The following AK9 variants were observed in gnomAD, a reference collection of about 807,000 sequenced individuals.
AK9 encodes the protein adenylate kinase domain containing 1.
In AK9, 191 loss-of-function variants were observed where a neutral mutation model predicts 239.6. The ratio of observed to expected loss-of-function variants is 0.80; its 90% confidence interval spans 0.71 to 0.90. AK9 has a LOEUF of 0.90. AK9 is among the 40% of genes least tolerant of loss of function. The pLI, the probability that AK9 is intolerant of heterozygous loss-of-function variation, is 0.00. For synonymous variants in AK9, 689 were observed against 721.0 expected (o/e 0.96, Z 0.71); for missense variants, 1,995 against 2,214.7 (o/e 0.90, Z 1.99).
intron 1 of AK9, among the ~76,000 whole-genome samples, chr6:109,684,913 G>T (rs537703208): frequency 6.3e-4 from 48 of 76,148 alleles, no homozygotes; most frequent in Middle Eastern, 8.1e-3. Flanking sequence ...AAAAAAAAAA[G>T]TAGGCAAAGG....
chr6:109,528,781 G>C (rs1393143933), intron 29 of AK9: 1 of 650,160 alleles, frequency 1.5e-6, no homozygotes, highest in African/African-American at 1.8e-5. Flanking sequence ...TGGAAATCAG[G>C]TTACAAGAGG....
At chr6:109,667,148 GA>G (rs68004056) in intron 5 of AK9, among the ~76,000 whole-genome samples, 84,037 of 151,616 alleles carry the variant, frequency 0.55, 24,839 homozygotes, top group South Asian at 0.78. Flanking sequence ...AATAGTGATG[GA>G]AACACCAATT....
chr6:109,617,542 A>G (rs1794321704), intron 13 of AK9, among the ~76,000 whole-genome samples: 1 of 152,148 alleles, frequency 6.6e-6, no homozygotes, highest in African/African-American at 2.4e-5. Flanking sequence ...GGCATTTCAA[A>G]CCTCCAGTAA....
intron 17 of AK9, among the ~76,000 whole-genome samples, chr6:109,603,522 G>GT: frequency 6.6e-6 from 1 of 152,294 alleles, no homozygotes; most frequent in South Asian, 2.1e-4. Context: ...GGGGGTCAGG[G>GT]ACCCACTTGA....
At chr6:109,537,757 C>A (rs2128141795) in intron 27 of AK9, among the ~76,000 whole-genome samples, 1 of 151,946 alleles carries the variant, frequency 6.6e-6, no homozygotes, top group South Asian at 2.1e-4. Flanking sequence ...TATAAATTTC[C>A]CTCTACACAC....
rs201662801 is a variant in AK9, at chr6:109,515,930, G to A, written c.3992C>T (p.Ala1331Val). The change falls in exon 31 of 41, where the codon GCA (alanine) becomes GTA (valine). Residue 1331 changes from alanine (A) to valine (V), a missense_variant. Transcript: ENST00000424296. The part of the protein sequence containing the change: ...SIFEKCHPIP[A>V]PLAQKMLTFT... The stretch of plus-strand genomic sequence containing the variant: ...GGTGAGCATTTTCTGGGCAAGGGGT[G>A]CTGGTATTGGATGACATTTCTCAAA... 239 of 1,551,774 alleles carry A rather than the reference G, an allele frequency of 1.5e-4. No homozygotes were observed. The East Asian group carries it at 1.8e-3, about 12-fold the overall frequency.
intron 1 of AK9, among the ~76,000 whole-genome samples, chr6:109,685,614 A>G (rs1773396027): frequency 6.6e-6 from 1 of 152,150 alleles, no homozygotes; most frequent in Non-Finnish European, 1.5e-5. Flanking sequence ...ACACTAGGAG[A>G]AATACCTAAC....
At chr6:109,639,433 G>A (rs994286794) in intron 10 of AK9, among the ~76,000 whole-genome samples, 1 of 152,142 alleles carries the variant, frequency 6.6e-6, no homozygotes, top group Non-Finnish European at 1.5e-5. Flanking sequence ...TATGTCCGTT[G>A]GCTGCATAAA....
intron 1 of AK9, among the ~76,000 whole-genome samples, chr6:109,681,937 CA>C (rs1392626823): frequency 6.6e-6 from 1 of 152,144 alleles, no homozygotes; most frequent in African/African-American, 2.4e-5. Flanking sequence ...ACATTTAAAG[CA>C]GTGTGTAGAG....
At chr6:109,655,450 T>C (rs981092662) in intron 8 of AK9, among the ~76,000 whole-genome samples, 1 of 152,226 alleles carries the variant, frequency 6.6e-6, no homozygotes, top group African/African-American at 2.4e-5. Context: ...AAATCTTTCA[T>C]CATAGTTAAC....
chr6:109,599,539 G>T (rs1791601509), intron 17 of AK9, among the ~76,000 whole-genome samples: 1 of 152,150 alleles, frequency 6.6e-6, no homozygotes, highest in Admixed American at 6.6e-5. Context: ...TTTGGCTTAG[G>T]ATTGACTTGG....
chr6:109,634,216 T>A (rs1796452416), intron 10 of AK9, among the ~76,000 whole-genome samples: 1 of 151,872 alleles, frequency 6.6e-6, no homozygotes, highest in South Asian at 2.1e-4. Flanking sequence ...ATTTTGAGAG[T>A]GGACTTATTA....
At chr6:109,523,296 T>C (rs1780072712) in intron 29 of AK9, among the ~76,000 whole-genome samples, 3 of 152,088 alleles carry the variant, frequency 2.0e-5, no homozygotes, top group Non-Finnish European at 4.4e-5. Context: ...CATTTTTCTG[T>C]AGATGGTCAT....
At chr6:109,558,439 G>A (rs561520056) in intron 24 of AK9, among the ~76,000 whole-genome samples, 2 of 152,132 alleles carry the variant, frequency 1.3e-5, no homozygotes, top group South Asian at 4.2e-4. Context: ...TCATTATTTT[G>A]CATATAGATC....
At chr6:109,627,563 C>T (rs553241738) in intron 12 of AK9, among the ~76,000 whole-genome samples, 2 of 152,314 alleles carry the variant, frequency 1.3e-5, no homozygotes, top group Admixed American at 1.3e-4. Context: ...TATGACTTCA[C>T]TAGGCGATGA....
At chr6:109,559,157 A>G (rs1004379487) in intron 24 of AK9, among the ~76,000 whole-genome samples, 1 of 138,462 alleles carries the variant, frequency 7.2e-6, no homozygotes, top group South Asian at 2.6e-4. Flanking sequence ...CAGCCATGGT[A>G]TATCTATCTG....
At chr6:109,646,195 G>A (rs1798039312) in intron 8 of AK9, among the ~76,000 whole-genome samples, 1 of 152,184 alleles carries the variant, frequency 6.6e-6, no homozygotes, top group African/African-American at 2.4e-5. Flanking sequence ...TCCTCCAAAG[G>A]ATTGCAGCCC....
At chr6:109,600,647 G>T (rs894058147) in intron 17 of AK9, among the ~76,000 whole-genome samples, 2 of 152,196 alleles carry the variant, frequency 1.3e-5, no homozygotes, top group African/African-American at 4.8e-5. Flanking sequence ...AGTTTCAGAA[G>T]GAATGGTACC....
chr6:109,500,705 A>T (rs1368110354), intron 35 of AK9, among the ~76,000 whole-genome samples: 2 of 152,188 alleles, frequency 1.3e-5, no homozygotes, highest in African/African-American at 4.8e-5. Flanking sequence ...ATAATTCAGA[A>T]TATTTTAGAT....
Sources: gnomAD v4.1 joint callset for allele counts (sites outside exome capture counted in the v4.1 genomes callset) on GRCh38, gnomAD v4.1.1 for gene constraint, MANE v1.5 for transcripts, NCBI Gene and HGNC (gene_info 2026-07-23, HGNC 2026-07-21) for gene names.